The following RBBP8 variants were observed in gnomAD, a reference collection of about 807,000 sequenced individuals.
RBBP8 encodes DNA endonuclease RBBP8.
In RBBP8, 88 loss-of-function variants were observed where a neutral mutation model predicts 108.3. That is an observed-to-expected ratio of 0.81 (90% CI 0.68 to 0.97). The LOEUF (loss-of-function observed/expected upper bound fraction) is 0.97. Among genes scored for constraint, RBBP8 ranks in the 50% least tolerant of loss-of-function variants. The probability of loss-of-function intolerance (pLI) is 0.00; values close to 1 mark genes in which losing one functional copy is unlikely to be tolerated. For synonymous variants in RBBP8, 332 were observed against 348.2 expected (o/e 0.95, Z 0.52); for missense variants, 1,023 against 1,049.0 (o/e 0.98, Z 0.34).
intron 14 of RBBP8, among the ~76,000 whole-genome samples, chr18:23,000,924 C>T (rs1242104942): frequency 1.3e-5 from 2 of 152,116 alleles, no homozygotes; most frequent in African/African-American, 4.8e-5. Context: ...ACATACGTTA[C>T]AGTTTGCTAC....
At chr18:23,017,335 AC>A (rs1436897656) in intron 17 of RBBP8, among the ~76,000 whole-genome samples, 1 of 148,866 alleles carries the variant, frequency 6.7e-6, no homozygotes, top group African/African-American at 2.5e-5. Context: ...AGCCTGGGCA[AC>A]AAGAGTGAAA....
chr18:22,964,655 A>C (rs1813487784), intron 4 of RBBP8, among the ~76,000 whole-genome samples: 1 of 148,850 alleles, frequency 6.7e-6, no homozygotes, highest in South Asian at 2.1e-4. Context: ...ATTTTATTTT[A>C]TTTTGGTTTT....
Position 23,003,535 on chromosome 18 carries a change from C to T in RBBP8, c.2287+1806C>T, listed in dbSNP as rs367728288. On this transcript the variant is annotated intron_variant, in intron 15 of 18. Transcript: ENST00000327155. ...ACAGGAGACCTGCTCTCTCGTTACACATTGTATGTCTGGAACTTAGCACAA... is the reference window on the plus strand; with the variant it reads ...ACAGGAGACCTGCTCTCTCGTTACATATTGTATGTCTGGAACTTAGCACAA... Among the ~76,000 whole-genome samples, 19 of 152,300 alleles carry T rather than the reference C, an allele frequency of 1.2e-4. No individual in the cohort carries two copies. The South Asian group carries it at 3.7e-3, about 30-fold the overall frequency.
intron 3 of RBBP8, among the ~76,000 whole-genome samples, chr18:22,925,991 A>C (rs1271133136): frequency 6.6e-6 from 1 of 152,234 alleles, no homozygotes; most frequent in Admixed American, 6.5e-5. Context: ...CAGGGTTAGA[A>C]AAAAGGCTTA....
chr18:22,929,491 TGTGTGTGTGTGTGTGTG>T (rs1459646341), upstream of RBBP8: 1,321 of 13,132 alleles, frequency 0.1, 36 homozygotes, highest in African/African-American at 0.23. Context: ...TGTGTGTGTG[TGTGTGTGTGTGTGTGTG>T]TGAAGAGACA....
chr18:22,980,350 T>TA (rs1346159828), intron 6 of RBBP8, among the ~76,000 whole-genome samples: 7 of 152,050 alleles, frequency 4.6e-5, no homozygotes, highest in Admixed American at 1.3e-4. Context: ...GGAACAGGAG[T>TA]ACTAGGGTGT....
At chr18:22,953,655 G>C (rs892126116) in intron 4 of RBBP8, among the ~76,000 whole-genome samples, 8 of 151,718 alleles carry the variant, frequency 5.3e-5, no homozygotes, top group African/African-American at 1.9e-4. Flanking sequence ...TTCTTCTCCA[G>C]GCCGTTTCAG....
chr18:23,012,238 A>G (rs751081454), intron 16 of RBBP8, among the ~76,000 whole-genome samples: 10 of 148,726 alleles, frequency 6.7e-5, no homozygotes, highest in East Asian at 5.9e-4. Flanking sequence ...AAAACCAACT[A>G]TGATGCCCTT....
At chr18:22,989,883 G>T (rs1025186555) in intron 9 of RBBP8, among the ~76,000 whole-genome samples, 3 of 152,094 alleles carry the variant, frequency 2.0e-5, no homozygotes, top group Non-Finnish European at 4.4e-5. Flanking sequence ...TGCCCAGGCT[G>T]ATCTCAAACA....
chr18:22,982,962 C>T (rs1915042516), intron 7 of RBBP8, among the ~76,000 whole-genome samples: 1 of 152,172 alleles, frequency 6.6e-6, no homozygotes, highest in Non-Finnish European at 1.5e-5. Context: ...CACATGGGTA[C>T]TCCTGCCATT....
At position 22,921,152 on chromosome 18, in the gene RBBP8, C is replaced by A. The variant is rs545483000; in HGVS notation, c.-154+4126C>A. On this transcript the variant is annotated intron_variant, in intron 3 of 4. Transcript: ENST00000577588. ...GAGCCTGAGACCTCTGGCTTATGTG[C>A]GAGTTCTTTATTTGGGAAAGCACCC... 4.6e-5 allele frequency among the ~76,000 whole-genome samples: 7 copies of A among 152,170 alleles called. No individual in the cohort carries two copies. In the East Asian group the frequency reaches 1.4e-3, roughly 29 times the overall value.
At chr18:22,959,478 C>T (rs947696347) in intron 4 of RBBP8, among the ~76,000 whole-genome samples, 2 of 152,032 alleles carry the variant, frequency 1.3e-5, no homozygotes, top group East Asian at 1.9e-4. Context: ...AAAACTAGCA[C>T]TCAAAGTCTG....
intron 16 of RBBP8, among the ~76,000 whole-genome samples, chr18:23,012,362 G>C (rs1389084827): frequency 6.6e-6 from 1 of 152,092 alleles, no homozygotes; most frequent in Admixed American, 6.6e-5. Flanking sequence ...TAAAAAGCTA[G>C]GCCTTTTACA....
chr18:22,927,468 G>A (rs574027768), intron 3 of RBBP8, among the ~76,000 whole-genome samples: 2 of 152,178 alleles, frequency 1.3e-5, no homozygotes, highest in East Asian at 3.9e-4. Context: ...TTCACTCATT[G>A]ATTATATTAT....
chr18:22,920,197 G>T (rs972233490), intron 3 of RBBP8, among the ~76,000 whole-genome samples: 1 of 152,026 alleles, frequency 6.6e-6, no homozygotes, highest in Non-Finnish European at 1.5e-5. Flanking sequence ...GGGCACAGTG[G>T]TTAGAAGGAT....
chr18:22,997,538 A>G (rs760608232), intron 13 of RBBP8, 82 bp from the exon 14 acceptor site: 20 of 886,284 alleles, frequency 2.3e-5, no homozygotes, highest in Non-Finnish European at 3.5e-5. Context: ...TGTATATTTT[A>G]CCAAAATGTT....
At chr18:23,015,215 A>T (rs970145592) in intron 16 of RBBP8, among the ~76,000 whole-genome samples, 2 of 152,192 alleles carry the variant, frequency 1.3e-5, no homozygotes, top group Admixed American at 1.3e-4. Context: ...TTTCTCATAA[A>T]TAGGATGGCA....
At chr18:22,985,193 A>G (rs1278415163) in intron 8 of RBBP8, 1 of 280,472 alleles carries the variant, frequency 3.6e-6, no homozygotes, top group African/African-American at 2.3e-5. Flanking sequence ...AATATAAATT[A>G]CTAATAATTT....
At chr18:23,025,064 AGAGT>A (rs1490041807) in intron 18 of RBBP8, among the ~76,000 whole-genome samples, 1 of 152,124 alleles carries the variant, frequency 6.6e-6, no homozygotes, top group African/African-American at 2.4e-5. Context: ...CCTGGGCAAC[AGAGT>A]GAGACCCTGG....
Sources: gnomAD v4.1 joint callset for allele counts (sites outside exome capture counted in the v4.1 genomes callset) on GRCh38, gnomAD v4.1.1 for gene constraint, MANE v1.5 for transcripts, NCBI Gene and HGNC (gene_info 2026-07-23, HGNC 2026-07-21) for gene names.